The following MRPL42 variants were observed in gnomAD, a reference collection of about 807,000 sequenced individuals.
MRPL42 encodes the protein mitochondrial ribosomal protein L42.
In MRPL42, 17 loss-of-function variants were observed where a neutral mutation model predicts 17.9. The ratio of observed to expected loss-of-function variants is 0.95; its 90% confidence interval spans 0.65 to 1.42. The LOEUF (loss-of-function observed/expected upper bound fraction) is 1.42, where lower values mean the gene tolerates loss of function less well. Among genes scored for constraint, MRPL42 ranks in the 40% most tolerant of loss-of-function variants. The pLI is 0.00. For synonymous variants in MRPL42, 59 were observed against 54.4 expected (o/e 1.08, Z -0.37); for missense variants, 177 against 175.2 (o/e 1.01, Z -0.06).
intron 3 of MRPL42, among the ~76,000 whole-genome samples, chr12:93,479,150 T>G (rs11107044): frequency 0.28 from 42,626 of 150,990 alleles, 7,235 homozygotes; most frequent in Non-Finnish European, 0.39. Context: ...CTTGAACTCC[T>G]GACCTCAAGC....
chr12:93,496,307 C>T (rs1449527156), intron 5 of MRPL42, among the ~76,000 whole-genome samples: 1 of 152,082 alleles, frequency 6.6e-6, no homozygotes, highest in African/African-American at 2.4e-5. Context: ...GATCCACCCA[C>T]CTCGGGCTCC....
chr12:93,472,584 A>T (rs1311054501), intron 2 of MRPL42, among the ~76,000 whole-genome samples: 1 of 152,142 alleles, frequency 6.6e-6, no homozygotes, highest in Non-Finnish European at 1.5e-5. Flanking sequence ...TCTCAAAAAT[A>T]AAAAATTAAA....
At position 93,508,109 on chromosome 12, in the gene MRPL42, G is replaced by C. The variant is rs1953690151; in HGVS notation, c.*6888G>C. On this transcript the variant is annotated 3_prime_UTR_variant, in exon 6 of 6. Transcript: ENST00000549982. ...TTACAGGCATGAGCCACCACGCCCA[G>C]CTAATTTTGTATTTTTAGTAGAGAT... 1 of 152,322 alleles carries C rather than the reference G, an allele frequency of 6.6e-6. No homozygotes were observed. Among genetic ancestry groups the C allele is most frequent in the Non-Finnish European group, 1.5e-5 (1 of 68,140 alleles). 9.4% of individuals were successfully genotyped at this position (152,322 alleles called of 1,614,324 possible).
At chr12:93,488,988 G>C (rs1175329563) in intron 5 of MRPL42, among the ~76,000 whole-genome samples, 1 of 151,974 alleles carries the variant, frequency 6.6e-6, no homozygotes, top group Non-Finnish European at 1.5e-5. Context: ...GCCACGCCCA[G>C]CTAGTTTGAA....
intron 4 of MRPL42, among the ~76,000 whole-genome samples, chr12:93,483,626 C>T (rs1040259846): frequency 1.3e-5 from 2 of 152,062 alleles, no homozygotes; most frequent in African/African-American, 4.8e-5. Context: ...CTGGAAGTTG[C>T]CCTGGGTGAG....
intron 5 of MRPL42, chr12:93,488,432 G>A (rs374452853): frequency 2.5e-6 from 1 of 395,832 alleles, no homozygotes; most frequent in South Asian, 1.3e-4. Context: ...AAATGAAATA[G>A]TACTTCTTTT....
Position 93,469,341 on chromosome 12 carries a change from T to G in MRPL42, c.56T>G (p.Leu19Ter). ...VMSKRTILKHLFPVQNGALYC... is the reference protein window; with the variant it reads ...VMSKRTILKH ...TCAAAGAGAACTATCTTGAAACATT[T>G]ATTTCCAGTCCAAAGTAAGTGAAAT... The change falls in exon 2 of 6, where the codon TTA (leucine) becomes TGA (stop). Residue 19 changes from leucine (L) to a stop codon, truncating the protein, a stop_gained. Coordinates refer to ENST00000549982, the MANE Select transcript of MRPL42 (RefSeq NM_014050.4). LOFTEE classifies it high-confidence loss of function. The G allele has an allele frequency of 6.2e-7, 1 of 1,608,678 alleles. No homozygotes were observed. Among genetic ancestry groups the G allele is most frequent in the Non-Finnish European group, 8.5e-7 (1 of 1,178,102 alleles).
At chr12:93,480,193 T>C (rs1880390219) in intron 4 of MRPL42, among the ~76,000 whole-genome samples, 1 of 152,056 alleles carries the variant, frequency 6.6e-6, no homozygotes, top group Admixed American at 6.6e-5. Flanking sequence ...GTGATCCGGC[T>C]CACTGCAGCC....
chr12:93,471,929 C>T (rs1048850722), intron 2 of MRPL42, among the ~76,000 whole-genome samples: 1 of 152,184 alleles, frequency 6.6e-6, no homozygotes, highest in African/African-American at 2.4e-5. Context: ...CACATCCAAT[C>T]AGTTTTTACA....
At chr12:93,487,843 C>CT in intron 5 of MRPL42, 183 bp downstream of exon 5, 1 of 510,404 alleles carries the variant, frequency 2.0e-6, no homozygotes, top group Non-Finnish European at 3.3e-6. Context: ...GTCACCCAGG[C>CT]TGGAGTGCAG....
At chr12:93,483,803 A>T (rs769298911) in intron 4 of MRPL42, among the ~76,000 whole-genome samples, 4 of 152,228 alleles carry the variant, frequency 2.6e-5, no homozygotes, top group South Asian at 4.1e-4. Context: ...CTTAAAAAAA[A>T]TTTAATACTT....
chr12:93,489,720 G>C (rs1033263397), intron 5 of MRPL42, among the ~76,000 whole-genome samples: 25 of 152,114 alleles, frequency 1.6e-4, no homozygotes, highest in Admixed American at 6.6e-4. Flanking sequence ...ATTTTTAGTA[G>C]AGACAAGGTT....
At chr12:93,490,352 A>G (rs1313077939) in intron 5 of MRPL42, among the ~76,000 whole-genome samples, 13 of 152,200 alleles carry the variant, frequency 8.5e-5, no homozygotes, top group Non-Finnish European at 1.5e-5. Flanking sequence ...CAAAATTACT[A>G]GGCGTTTTTT....
chr12:93,487,665 G>GTTTTC lies in MRPL42; in HGVS notation c.383+18_383+22dup. Reference sequence around the variant, plus strand: ...CCGTTGGTATCCTCATGGACGGTAAGTTTTCTTTTCTTTTCTTCAATCCCT... The same window carrying GTTTTC: ...CCGTTGGTATCCTCATGGACGGTAAGTTTTCTTTTCTTTTCTTTTCTTCAATCCCT... On this transcript the variant is annotated splice_donor_region_variant and intron_variant, in intron 5 of 5. Coordinates refer to ENST00000549982, the MANE Select transcript of MRPL42 (RefSeq NM_014050.4). The GTTTTC allele has an allele frequency of 6.3e-7, 1 of 1,595,032 alleles. No homozygotes were observed. Among genetic ancestry groups the GTTTTC allele is most frequent in the South Asian group, 1.1e-5 (1 of 88,060 alleles).
chr12:93,485,671 A>G (rs1457729128), intron 4 of MRPL42, among the ~76,000 whole-genome samples: 2 of 152,150 alleles, frequency 1.3e-5, no homozygotes, highest in East Asian at 1.9e-4. Flanking sequence ...TTACATATAT[A>G]TTATTATTGA....
At chr12:93,483,242 T>G (rs1880549338) in intron 4 of MRPL42, among the ~76,000 whole-genome samples, 1 of 152,360 alleles carries the variant, frequency 6.6e-6, no homozygotes, top group Non-Finnish European at 1.5e-5. Context: ...CCCTTTCTAC[T>G]TTTCACTGAT....
rs79267599 is a variant in MRPL42, at chr12:93,501,588, G to T, written c.*367G>T. ...TGCTAAACAGTAGGCTACTGTAAGT[G>T]TTCTGAGCATATTTAAGACAGGCTA... On this transcript the variant is annotated 3_prime_UTR_variant, in exon 6 of 6. Coordinates refer to ENST00000549982, the MANE Select transcript of MRPL42 (RefSeq NM_014050.4). 512 of 158,542 alleles carry T rather than the reference G, an allele frequency of 3.2e-3. 3 individuals carry two copies. Among genetic ancestry groups the T allele is most frequent in the African/African-American group, 0.012 (492 of 41,782 alleles). The allele number at this position is 158,542 out of a possible 1,614,324, so 9.8% of individuals were successfully genotyped here.
In MRPL42 at chr12:93,502,374, A is replaced by G. The variant is rs1258223900; in HGVS notation, c.*1153A>G. 6.6e-6 allele frequency: 1 copy of G among 152,198 alleles called. No homozygotes were observed. Among genetic ancestry groups the G allele is most frequent in the African/African-American group, 2.4e-5 (1 of 41,454 alleles). The allele number at this position is 152,198 out of a possible 1,614,324, so 9.4% of individuals were successfully genotyped here. On this transcript the variant is annotated 3_prime_UTR_variant, in exon 6 of 6. Coordinates refer to ENST00000549982, the MANE Select transcript of MRPL42 (RefSeq NM_014050.4). The stretch of plus-strand genomic sequence containing the variant: ...GTGAAGAATCTTTTAATAAGGTAGA[A>G]AGTTGCTTTATTTAAATTTGTACTG...
In MRPL42 at chr12:93,490,790, T is replaced by C. The variant is rs80013420; in HGVS notation, c.383+3130T>C. Among the ~76,000 whole-genome samples the C allele has an allele frequency of 3.7e-3, 566 of 152,348 alleles. 5 individuals carry two copies. The highest frequency in any genetic ancestry group is 0.012 in the African/African-American group (504 of 41,586). ...TTTCACAGTTCTTAAGTTACAGCAG[T>C]CAAAAGAATGGGACTCATTATGAAT... is the stretch of plus-strand genomic sequence containing the variant. On this transcript the variant is annotated intron_variant, in intron 5 of 5. Transcript: ENST00000549982.
Sources: allele counts gnomAD v4.1 joint callset (sites outside exome capture counted in the v4.1 genomes callset), GRCh38; gene constraint gnomAD v4.1.1; transcripts MANE v1.5; gene names NCBI Gene and HGNC (gene_info 2026-07-23, HGNC 2026-07-21).